The following KCNH7 variants were observed in gnomAD, a reference collection of about 807,000 sequenced individuals.
KCNH7 encodes voltage-gated inwardly rectifying potassium channel KCNH7.
In KCNH7, 49 loss-of-function variants were observed where a neutral mutation model predicts 120.8. The ratio of observed to expected loss-of-function variants is 0.41; its 90% CI spans 0.32 to 0.51. KCNH7 has a LOEUF of 0.51. Among genes scored for constraint, KCNH7 ranks in the 20% least tolerant of loss-of-function variants. The probability of loss-of-function intolerance (pLI) is 0.38; values close to 1 mark genes in which losing one functional copy is unlikely to be tolerated. For synonymous variants in KCNH7, 547 were observed against 516.1 expected (o/e 1.06, Z -0.81); for missense variants, 1,097 against 1,446.6 (o/e 0.76, Z 3.92).
At chr2:162,754,525 A>C (rs963251476) in intron 2 of KCNH7, among the ~76,000 whole-genome samples, 5 of 152,182 alleles carry the variant, frequency 3.3e-5, no homozygotes, top group Non-Finnish European at 5.9e-5. Context: ...TAGGATTTCA[A>C]TGTGGAGACA....
At chr2:162,801,972 A>G (rs1684366685) in intron 2 of KCNH7, among the ~76,000 whole-genome samples, 1 of 151,776 alleles carries the variant, frequency 6.6e-6, no homozygotes, top group Non-Finnish European at 1.5e-5. Flanking sequence ...TCCATCAGTT[A>G]ACAAGAATAT....
At position 162,696,825 on chromosome 2, in the gene KCNH7, A is replaced by G. The variant is rs540594646; in HGVS notation, c.307+139712T>C. Among the ~76,000 whole-genome samples, 3 of 152,330 alleles carry G rather than the reference A, an allele frequency of 2.0e-5. No individual in the cohort carries two copies. The South Asian group carries it at 6.2e-4, about 32-fold the overall frequency. ...CAAAAGCGGGACTATTTGAGCTTCA[A>G]TGAGAATAATAATTGCACTGATTGA... is the stretch of plus-strand genomic sequence containing the variant. On this transcript the variant is annotated intron_variant, in intron 2 of 15. Transcript: ENST00000332142.
At chr2:162,477,377 T>C (rs1689781496) in intron 6 of KCNH7, among the ~76,000 whole-genome samples, 1 of 148,268 alleles carries the variant, frequency 6.7e-6, no homozygotes, top group Admixed American at 6.6e-5. Flanking sequence ...CAAAGCTGCC[T>C]GGCAGCTTCA....
chr2:162,621,719 T>G lies in KCNH7; in HGVS notation c.308-84639A>C, dbSNP rs191002417. Among the ~76,000 whole-genome samples, 6 of 152,300 alleles carry G rather than the reference T, an allele frequency of 3.9e-5. No individual in the cohort carries two copies. The East Asian group carries it at 7.7e-4, about 20-fold the overall frequency. On this transcript the variant is annotated intron_variant, in intron 2 of 15. Transcript: ENST00000332142. ...ATTAAGTGTTATTGGCTGGTTATAT[T>G]TCTCCAGAGGCTGAACTTTTTATAT... is the stretch of plus-strand genomic sequence containing the variant.
At chr2:162,548,282 T>C (rs944522865) in intron 2 of KCNH7, among the ~76,000 whole-genome samples, 2 of 152,158 alleles carry the variant, frequency 1.3e-5, no homozygotes, top group African/African-American at 2.4e-5. Flanking sequence ...CTGCTACAGA[T>C]GTTCCCTGCT....
At chr2:162,732,145 A>ATGGGC (rs1199516562) in intron 2 of KCNH7, among the ~76,000 whole-genome samples, 1 of 151,772 alleles carries the variant, frequency 6.6e-6, no homozygotes, top group Non-Finnish European at 1.5e-5. Context: ...GCAGTGGGCA[A>ATGGGC]ATTCTAGGAC....
In KCNH7 at chr2:162,400,347, C is replaced by T. The variant is rs1316135725; in HGVS notation, c.2249G>A (p.Ser750Asn). 6.2e-7 allele frequency: 1 copy of T among 1,612,402 alleles called. No individual in the cohort carries two copies. Among genetic ancestry groups the T allele is most frequent in the African/African-American group, 1.3e-5 (1 of 74,794 alleles). The stretch of plus-strand genomic sequence containing the variant: ...TGCCAAAGCTCTAAGGCAACCTTTA[C>T]TTGCCCCCCGAAAGGCTTTGCAGTT... Reference protein sequence around the residue: ...LQNCKAFRGASKGCLRALAMK... With the variant: ...LQNCKAFRGANKGCLRALAMK... Residue 750 changes from serine (S) to asparagine (N), a missense_variant, in exon 10 of 16, where the codon AGT (serine) becomes AAT (asparagine). Coordinates refer to ENST00000332142, the MANE Select transcript of KCNH7 (RefSeq NM_033272.4).
intron 2 of KCNH7, among the ~76,000 whole-genome samples, chr2:162,807,545 A>G (rs182959289): frequency 1.8e-3 from 280 of 152,254 alleles, no homozygotes; most frequent in Non-Finnish European, 3.3e-3. Context: ...GCTTTTTTGT[A>G]TTTGAAAAAC....
At chr2:162,663,883 G>T (rs1288906595) in intron 2 of KCNH7, among the ~76,000 whole-genome samples, 2 of 152,120 alleles carry the variant, frequency 1.3e-5, no homozygotes, top group African/African-American at 4.8e-5. Flanking sequence ...TAGCTTCCCA[G>T]GAATTTGTTA....
At chr2:162,555,964 C>T (rs561784502) in intron 2 of KCNH7, among the ~76,000 whole-genome samples, 4 of 152,016 alleles carry the variant, frequency 2.6e-5, no homozygotes, top group Admixed American at 6.5e-5. Flanking sequence ...TAGAACGCTG[C>T]GTATTCTTCA....
At chr2:162,468,129 A>T (rs1214300381) in intron 6 of KCNH7, among the ~76,000 whole-genome samples, 1 of 152,108 alleles carries the variant, frequency 6.6e-6, no homozygotes, top group East Asian at 1.9e-4. Context: ...TCCATCTGGG[A>T]GTAGTCATCC....
chr2:162,698,395 T>A (rs967442803), intron 2 of KCNH7, among the ~76,000 whole-genome samples: 2 of 151,634 alleles, frequency 1.3e-5, no homozygotes, highest in Non-Finnish European at 2.9e-5. Context: ...GAATGTATAT[T>A]TTTTTTGTTT....
chr2:162,819,771 T>G (rs182941661), intron 2 of KCNH7, among the ~76,000 whole-genome samples: 2 of 152,318 alleles, frequency 1.3e-5, no homozygotes, highest in Admixed American at 6.5e-5. Flanking sequence ...AAATGGCTCC[T>G]AAACTAAGAG....
chr2:162,670,169 T>C (rs915687366), intron 2 of KCNH7, among the ~76,000 whole-genome samples: 2 of 150,150 alleles, frequency 1.3e-5, no homozygotes, highest in African/African-American at 4.9e-5. Flanking sequence ...CAAGAAGGGA[T>C]TATTAGAAAA....
At chr2:162,412,127 T>C (rs994220337) in intron 9 of KCNH7, among the ~76,000 whole-genome samples, 2 of 152,058 alleles carry the variant, frequency 1.3e-5, no homozygotes, top group African/African-American at 4.8e-5. Flanking sequence ...TATCAGAATT[T>C]GCTAAATTGG....
At chr2:162,512,886 A>G (rs1360254007) in intron 4 of KCNH7, among the ~76,000 whole-genome samples, 1 of 151,768 alleles carries the variant, frequency 6.6e-6, no homozygotes, top group East Asian at 2.0e-4. Flanking sequence ...TTCTTATTTA[A>G]ATATGTGAAG....
At chr2:162,692,062 T>A (rs1444016582) in intron 2 of KCNH7, among the ~76,000 whole-genome samples, 3 of 152,100 alleles carry the variant, frequency 2.0e-5, no homozygotes, top group Non-Finnish European at 4.4e-5. Flanking sequence ...CATCTATTTA[T>A]CATTAAGACA....
Position 162,517,839 on chromosome 2 carries a change from G to A in KCNH7, c.783C>T (p.Ser261=), listed in dbSNP as rs760772035. 3.1e-6 allele frequency: 5 copies of A among 1,612,162 alleles called. No individual in the cohort carries two copies. In the African/African-American group the frequency reaches 6.7e-5, roughly 22 times the overall value. ...MLQSSSQLSH[S]RSRESLCSIR... ...TACTACATAAGCTTTCCCTTGATCT[G>A]GAATGGGACAGCTGGGAACTTGACT... The change falls in exon 4 of 16, where the codon TCC becomes TCT. Residue 261 remains serine, a synonymous_variant. Coordinates refer to ENST00000332142, the MANE Select transcript of KCNH7 (RefSeq NM_033272.4).
chr2:162,504,214 C>T (rs997032873), intron 6 of KCNH7, among the ~76,000 whole-genome samples: 3 of 151,982 alleles, frequency 2.0e-5, no homozygotes, highest in African/African-American at 7.2e-5. Flanking sequence ...TGGGAGCAAC[C>T]ATGCCATGTT....
Sources: gnomAD v4.1 joint callset for allele counts (sites outside exome capture counted in the v4.1 genomes callset) on GRCh38, gnomAD v4.1.1 for gene constraint, MANE v1.5 for transcripts, NCBI Gene and HGNC (gene_info 2026-07-23, HGNC 2026-07-21) for gene names.